The following CA10 variants were observed in gnomAD, a reference collection of about 807,000 sequenced individuals.
The protein encoded by CA10 is carbonic anhydrase-related protein 10.
In CA10, 14 loss-of-function variants were observed where a neutral mutation model predicts 44.2. The observed-to-expected ratio is 0.32, with a 90% CI of 0.21 to 0.50. The LOEUF (loss-of-function observed/expected upper bound fraction) is 0.50. CA10 is among the 20% of genes least tolerant of loss of function. The pLI is 0.99. For synonymous variants in CA10, 159 were observed against 141.6 expected, an observed-to-expected ratio of 1.12 and a Z score of -0.87; for missense variants, 350 against 409.7, an observed-to-expected ratio of 0.85 and a Z score of 1.26.
At chr17:51,806,591 G>T (rs1950217789) in intron 3 of CA10, among the ~76,000 whole-genome samples, 2 of 152,116 alleles carry the variant, frequency 1.3e-5, no homozygotes, top group South Asian at 4.2e-4. Flanking sequence ...ACTATGCCTG[G>T]TACAGTAACA....
intron 5 of CA10, among the ~76,000 whole-genome samples, chr17:51,653,262 A>G (rs1190804924): frequency 6.6e-6 from 1 of 152,194 alleles, no homozygotes; most frequent in Non-Finnish European, 1.5e-5. Flanking sequence ...TACAAGGGGC[A>G]GCTGAATGGT....
intron 1 of CA10, among the ~76,000 whole-genome samples, chr17:52,108,194 T>TATATATGTATA (rs1567735876): frequency 8.6e-5 from 5 of 58,038 alleles, no homozygotes; most frequent in African/African-American, 1.4e-4. Context: ...TATATATTTT[T>TATATATGTATA]TATATATATA....
At chr17:52,113,281 C>T (rs1988824258) in intron 1 of CA10, among the ~76,000 whole-genome samples, 1 of 152,160 alleles carries the variant, frequency 6.6e-6, no homozygotes, top group Admixed American at 6.5e-5. Context: ...TTGAAAAACC[C>T]ACCTTTTTGA....
At chr17:51,696,742 A>G (rs1391013577) in intron 4 of CA10, among the ~76,000 whole-genome samples, 1 of 152,068 alleles carries the variant, frequency 6.6e-6, no homozygotes. Context: ...TGTCCCCTTA[A>G]CATAACTTTT....
chr17:52,005,383 G>A (rs77676593), intron 2 of CA10, among the ~76,000 whole-genome samples: 4,780 of 151,990 alleles, frequency 0.031, 249 homozygotes, highest in African/African-American at 0.11. Flanking sequence ...AATAATGGAT[G>A]ACTTCCAAAG....
intron 2 of CA10, among the ~76,000 whole-genome samples, chr17:52,061,502 T>C (rs1214042831): frequency 1.3e-5 from 2 of 152,212 alleles, no homozygotes; most frequent in East Asian, 3.9e-4. Flanking sequence ...AAGACTGATA[T>C]GGTTAGCCTT....
At chr17:52,029,241 ACC>A (rs1214352018) in intron 2 of CA10, among the ~76,000 whole-genome samples, 1 of 152,066 alleles carries the variant, frequency 6.6e-6, no homozygotes, top group Non-Finnish European at 1.5e-5. Context: ...GATCTCCTGG[ACC>A]CCCTCTTGCC....
At chr17:51,901,220 T>C (rs959779375) in intron 3 of CA10, among the ~76,000 whole-genome samples, 1 of 152,088 alleles carries the variant, frequency 6.6e-6, no homozygotes, top group Non-Finnish European at 1.5e-5. Context: ...CCTGTGGGTG[T>C]TTGATTGCGG....
chr17:51,717,680 T>A (rs1260441905), intron 4 of CA10, among the ~76,000 whole-genome samples: 1 of 75,762 alleles, frequency 1.3e-5, no homozygotes, highest in Non-Finnish European at 2.8e-5. Context: ...TATATATGTA[T>A]ATATGTATAC....
chr17:51,909,121 C>T (rs1981686332), intron 3 of CA10, among the ~76,000 whole-genome samples: 1 of 152,124 alleles, frequency 6.6e-6, no homozygotes, highest in South Asian at 2.1e-4. Context: ...TTTCCATAGC[C>T]ACTATAAATG....
In CA10 at chr17:51,901,059, C is replaced by T. The variant is rs113720649; in HGVS notation, c.279+29931G>A. 4.6e-3 allele frequency among the ~76,000 whole-genome samples: 706 copies of T among 152,256 alleles called. 5 individuals carry two copies. The highest frequency in any genetic ancestry group is 0.016 in the African/African-American group (681 of 41,558). On this transcript the variant is annotated intron_variant, in intron 3 of 8. Coordinates refer to ENST00000451037, the MANE Select transcript of CA10 (RefSeq NM_020178.5). ...AAAAACCACTGCTGGAGAACCAGTG[C>T]AGTTGTTTGGAGCTAAGAAGACATC...
chr17:51,798,995 A>T (rs1906822339), intron 3 of CA10, among the ~76,000 whole-genome samples: 1 of 152,308 alleles, frequency 6.6e-6, no homozygotes, highest in African/African-American at 2.4e-5. Flanking sequence ...GGGTGGGGAA[A>T]CAGTGGGGAG....
intron 4 of CA10, among the ~76,000 whole-genome samples, chr17:51,743,179 C>G (rs1318943930): frequency 6.6e-6 from 1 of 152,164 alleles, no homozygotes; most frequent in South Asian, 2.1e-4. Context: ...AAAAGAAGAA[C>G]TTAAGGAAGG....
intron 3 of CA10, among the ~76,000 whole-genome samples, chr17:51,814,933 T>C (rs1477180635): frequency 6.6e-6 from 1 of 152,174 alleles, no homozygotes; most frequent in Non-Finnish European, 1.5e-5. Flanking sequence ...TTGTCTCTCT[T>C]AAACATCCGG....
chr17:51,774,298 A>G (rs1296084506), intron 3 of CA10, among the ~76,000 whole-genome samples: 1 of 152,188 alleles, frequency 6.6e-6, no homozygotes, highest in African/African-American at 2.4e-5. Context: ...GAATTTTCAA[A>G]GGACTTTAGC....
chr17:51,998,471 A>G (rs1567914138), intron 2 of CA10, among the ~76,000 whole-genome samples: 3 of 152,004 alleles, frequency 2.0e-5, no homozygotes, highest in Non-Finnish European at 4.4e-5. Flanking sequence ...TTATCCCATA[A>G]AACACCAACC....
chr17:51,757,210 T>C (rs907399308), intron 3 of CA10, among the ~76,000 whole-genome samples: 20 of 152,146 alleles, frequency 1.3e-4, no homozygotes, highest in Admixed American at 3.9e-4. Context: ...AGGGCTGATT[T>C]GTAAAGAGTG....
At chr17:52,009,931 T>C (rs1985727113) in intron 2 of CA10, among the ~76,000 whole-genome samples, 1 of 151,796 alleles carries the variant, frequency 6.6e-6, no homozygotes, top group South Asian at 2.1e-4. Context: ...TATCAAAAAG[T>C]GGGCTAAGGA....
At chr17:51,649,578 C>T (rs754594683) in intron 5 of CA10, among the ~76,000 whole-genome samples, 1 of 152,120 alleles carries the variant, frequency 6.6e-6, no homozygotes, top group African/African-American at 2.4e-5. Context: ...TAGAAGTTAA[C>T]AAAGCGTTCT....
Sources: allele counts gnomAD v4.1 joint callset (sites outside exome capture counted in the v4.1 genomes callset), GRCh38; gene constraint gnomAD v4.1.1; transcripts MANE v1.5; gene names NCBI Gene and HGNC (gene_info 2026-07-23, HGNC 2026-07-21).